The following ASIC2 variants were observed in gnomAD, a reference collection of about 807,000 sequenced individuals.
ASIC2 encodes acid-sensing ion channel 2.
In ASIC2, 25 loss-of-function variants were observed where a neutral mutation model predicts 57.3. That is an observed-to-expected ratio of 0.44 (90% CI 0.32 to 0.61). The LOEUF is 0.61. Among genes scored for constraint, ASIC2 ranks in the 20% least tolerant of loss-of-function variants. The pLI is 0.06. For synonymous variants in ASIC2, 319 were observed against 307.5 expected, an observed-to-expected ratio of 1.04 and a Z score of -0.39; for missense variants, 641 against 738.1, an observed-to-expected ratio of 0.87 and a Z score of 1.52.
intron 1 of ASIC2, among the ~76,000 whole-genome samples, chr17:33,578,632 T>G (rs929283297): frequency 2.6e-5 from 4 of 152,146 alleles, no homozygotes; most frequent in African/African-American, 7.2e-5. Flanking sequence ...GTTCAGTCAC[T>G]ATGTCATTAG....
intron 1 of ASIC2, among the ~76,000 whole-genome samples, chr17:33,606,107 C>T (rs968508312): frequency 1.3e-5 from 2 of 152,170 alleles, no homozygotes; most frequent in African/African-American, 4.8e-5. Context: ...TGTTATTAGT[C>T]TTCTCAGCTA....
At chr17:34,155,242 AT>A (rs1240171441) in intron 1 of ASIC2, among the ~76,000 whole-genome samples, 1 of 152,098 alleles carries the variant, frequency 6.6e-6, no homozygotes, top group African/African-American at 2.4e-5. Context: ...CCTCACAGGC[AT>A]CTCCCTGACC....
At chr17:33,856,384 G>A (rs1913929277) in intron 1 of ASIC2, among the ~76,000 whole-genome samples, 1 of 152,180 alleles carries the variant, frequency 6.6e-6, no homozygotes, top group Non-Finnish European at 1.5e-5. Flanking sequence ...AGCAGTGCTA[G>A]TGGTGGTGGC....
chr17:33,266,544 A>C (rs1387768302), intron 1 of ASIC2, among the ~76,000 whole-genome samples: 55 of 67,042 alleles, frequency 8.2e-4, no homozygotes, highest in South Asian at 1.5e-3. Context: ...TCCCATCCCC[A>C]CCCCCCACCC....
chr17:33,396,456 TC>T (rs1221522201), intron 1 of ASIC2, among the ~76,000 whole-genome samples: 5 of 152,212 alleles, frequency 3.3e-5, no homozygotes. Context: ...TATGATTATT[TC>T]CTTTATTTTA....
intron 1 of ASIC2, among the ~76,000 whole-genome samples, chr17:33,364,516 C>A (rs574415292): frequency 7.2e-5 from 11 of 152,208 alleles, no homozygotes; most frequent in African/African-American, 2.6e-4. Context: ...GGGGTGGATT[C>A]CCCCTTGCTG....
intron 1 of ASIC2, among the ~76,000 whole-genome samples, chr17:33,472,183 C>A (rs549407858): frequency 1.3e-5 from 2 of 152,234 alleles, no homozygotes; most frequent in South Asian, 4.2e-4. Context: ...CCATGCCCAG[C>A]TAATTTCTTT....
At position 33,288,715 on chromosome 17, in the gene ASIC2, GACACACACACACAC is replaced by G. The variant is rs56013728; in HGVS notation, c.708+2679_708+2692del. ...CAGCAGAGTTTTCAGAGCTCTCTCT[GACACACACACACAC>G]ACACACACACACACACACACACACA... On this transcript the variant is annotated intron_variant, in intron 1 of 9. Coordinates refer to ENST00000225823, the MANE Select transcript of ASIC2 (RefSeq NM_183377.2). Among the ~76,000 whole-genome samples the G allele has an allele frequency of 6.1e-3, 881 of 143,608 alleles. 4 individuals are homozygous for G. The highest frequency in any genetic ancestry group is 0.018 in the Middle Eastern group (5 of 280). 94.2% of individuals were successfully genotyped at this position (143,608 alleles called of 152,430 possible). A position where few individuals can be genotyped will look rare whatever the true frequency, so the allele number is the denominator to read the frequency against.
At chr17:34,038,683 C>A in intron 1 of ASIC2, 2 of 1,595,630 alleles carry the variant, frequency 1.3e-6, no homozygotes, top group Non-Finnish European at 8.6e-7. Flanking sequence ...TCTCTGCTTC[C>A]TCCTTTTTAA....
chr17:34,128,064 C>T (rs1911840402), intron 1 of ASIC2, among the ~76,000 whole-genome samples: 1 of 152,084 alleles, frequency 6.6e-6, no homozygotes. Context: ...CCCACGGGTG[C>T]CTAACACCTT....
intron 1 of ASIC2, among the ~76,000 whole-genome samples, chr17:33,204,230 T>C (rs896262951): frequency 1.2e-4 from 18 of 152,206 alleles, no homozygotes; most frequent in African/African-American, 3.4e-4. Flanking sequence ...CCTAGAAAAA[T>C]GTAGCCTGTC....
At chr17:33,290,626 T>A (rs920878443) in intron 1 of ASIC2, 3 of 152,248 alleles carry the variant, frequency 2.0e-5, no homozygotes. Context: ...CCTGCTAGGA[T>A]GCTTTCTCAA....
At chr17:33,266,872 A>G (rs1047091136) in intron 1 of ASIC2, among the ~76,000 whole-genome samples, 1 of 152,106 alleles carries the variant, frequency 6.6e-6, no homozygotes, top group East Asian at 1.9e-4. Flanking sequence ...CTAATTTTTC[A>G]TGTAGCACAG....
chr17:33,829,745 A>G (rs1023241594), intron 1 of ASIC2, among the ~76,000 whole-genome samples: 1 of 151,958 alleles, frequency 6.6e-6, no homozygotes, highest in African/African-American at 2.4e-5. Context: ...TTGTAGTTTT[A>G]GTAGTGATGA....
chr17:33,388,267 G>T (rs553875700), intron 1 of ASIC2, among the ~76,000 whole-genome samples: 2 of 152,222 alleles, frequency 1.3e-5, no homozygotes, highest in East Asian at 1.9e-4. Flanking sequence ...GCCTCTGGAG[G>T]GGGTACAGCC....
chr17:33,328,623 C>T (rs374372920), intron 1 of ASIC2, among the ~76,000 whole-genome samples: 1 of 152,166 alleles, frequency 6.6e-6, no homozygotes, highest in African/African-American at 2.4e-5. Context: ...CTTTCATCCA[C>T]CCTTTAAAGA....
chr17:33,824,977 G>C (rs1480645983), intron 1 of ASIC2, among the ~76,000 whole-genome samples: 1 of 152,110 alleles, frequency 6.6e-6, no homozygotes, highest in Non-Finnish European at 1.5e-5. Flanking sequence ...CAGGGTTGTG[G>C]ATAGCATTGA....
chr17:33,175,190 A>G (rs998318745), intron 1 of ASIC2, among the ~76,000 whole-genome samples: 3 of 152,212 alleles, frequency 2.0e-5, no homozygotes. Context: ...AATGTGACCT[A>G]TTAAATTAGT....
chr17:33,576,512 A>G (rs535953823), intron 1 of ASIC2, among the ~76,000 whole-genome samples: 4 of 152,176 alleles, frequency 2.6e-5, no homozygotes, highest in Admixed American at 6.5e-5. Context: ...CAGCATAGAT[A>G]GTACAAGTTC....
Sources: gnomAD v4.1 joint callset for allele counts (sites outside exome capture counted in the v4.1 genomes callset) on GRCh38, gnomAD v4.1.1 for gene constraint, MANE v1.5 for transcripts, NCBI Gene and HGNC (gene_info 2026-07-23, HGNC 2026-07-21) for gene names.